The following DSCAM variants were observed in gnomAD, a reference collection of about 807,000 sequenced individuals.
DSCAM encodes the protein DS cell adhesion molecule, also known as cell adhesion molecule DSCAM.
In DSCAM, 47 loss-of-function variants were observed where a neutral mutation model predicts 217.7. The observed-to-expected ratio is 0.22, with a 90% CI of 0.17 to 0.28. The LOEUF (loss-of-function observed/expected upper bound fraction) is 0.28. Among genes scored for constraint, DSCAM ranks in the 10% least tolerant of loss-of-function variants. The pLI is 1.00. For missense variants in DSCAM, 2,080 were observed against 2,618.3 expected (o/e 0.79, Z 4.49); for synonymous variants, 1,056 against 1,015.3 (o/e 1.04, Z -0.76).
rs576075512 is a variant in DSCAM at position 40,131,815 on chromosome 21, G to A, written c.3562+2039C>T. Among the ~76,000 whole-genome samples the A allele has an allele frequency of 1.7e-3, 264 of 152,260 alleles. 1 individual carries two copies. The highest frequency in any genetic ancestry group is 6.1e-3 in the African/African-American group (255 of 41,534). On this transcript the variant is annotated intron_variant, in intron 19 of 32. Transcript: ENST00000400454. ...CTGGGGTACCCAAGGCAGGGTTTTC[G>A]ATAGTCAATCCCAGCTCCATACACT...
At chr21:40,387,176 A>AGG (rs546027179) in intron 3 of DSCAM, among the ~76,000 whole-genome samples, 16 of 152,246 alleles carry the variant, frequency 1.1e-4, no homozygotes, top group African/African-American at 3.4e-4. Context: ...ATAAAGGAAG[A>AGG]GGGGGGGTGA....
At chr21:40,421,341 T>C (rs1385688062) in intron 3 of DSCAM, among the ~76,000 whole-genome samples, 1 of 152,184 alleles carries the variant, frequency 6.6e-6, no homozygotes, top group African/African-American at 2.4e-5. Context: ...TGTCCTGTCT[T>C]GTCAAAGGGA....
chr21:40,329,034 A>G lies in DSCAM; in HGVS notation c.1783+9067T>C, dbSNP rs546842120. Among the ~76,000 whole-genome samples, 115 of 152,352 alleles carry G rather than the reference A, an allele frequency of 7.5e-4. 1 individual carries two copies. Among genetic ancestry groups the G allele is most frequent in the African/African-American group, 2.4e-3 (101 of 41,586 alleles). Reference sequence around the variant, plus strand: ...AAAACAAGCATCGGTGAACATGTGGAGAAAAGAGAAGCTTTGTACTGTATT... The same window carrying G: ...AAAACAAGCATCGGTGAACATGTGGGGAAAAGAGAAGCTTTGTACTGTATT... On this transcript the variant is annotated intron_variant, in intron 8 of 32. Coordinates refer to ENST00000400454, the MANE Select transcript of DSCAM (RefSeq NM_001389.5).
intron 1 of DSCAM, among the ~76,000 whole-genome samples, chr21:40,815,257 G>C (rs552978631): frequency 1.3e-5 from 2 of 151,962 alleles, no homozygotes; most frequent in East Asian, 3.9e-4. Flanking sequence ...AAATAGGAAG[G>C]GACAGACTGC....
intron 3 of DSCAM, among the ~76,000 whole-genome samples, chr21:40,637,472 T>A (rs1278392108): frequency 5.8e-5 from 3 of 51,402 alleles, no homozygotes; most frequent in Admixed American, 4.4e-4. Context: ...TATATATAAA[T>A]ATATATAAAT....
intron 20 of DSCAM, among the ~76,000 whole-genome samples, chr21:40,123,149 G>T (rs2090053359): frequency 6.6e-6 from 1 of 152,148 alleles, no homozygotes; most frequent in African/African-American, 2.4e-5. Flanking sequence ...TGGGAGGGAG[G>T]ATAGGGAATT....
chr21:40,351,813 T>A (rs976765918), intron 5 of DSCAM, among the ~76,000 whole-genome samples: 2 of 152,082 alleles, frequency 1.3e-5, no homozygotes, highest in African/African-American at 4.8e-5. Context: ...AGCAGTAACA[T>A]ACTCTGAGTT....
At chr21:40,829,109 A>C (rs1217416409) in intron 1 of DSCAM, among the ~76,000 whole-genome samples, 5 of 152,184 alleles carry the variant, frequency 3.3e-5, no homozygotes, top group Admixed American at 3.3e-4. Flanking sequence ...AACCACCCCT[A>C]TAACTGAATC....
chr21:40,035,369 T>C lies in DSCAM; in HGVS notation c.5686+7002A>G, dbSNP rs1250666602. ...AAAAAGGCAGGGGTTGCAATCCTAG[T>C]CTCAGATAAAACAGACTTCAAACCA... On this transcript the variant is annotated intron_variant, in intron 32 of 32. Coordinates refer to ENST00000400454, the MANE Select transcript of DSCAM (RefSeq NM_001389.5). Among the ~76,000 whole-genome samples, 99 of 103,638 alleles carry C rather than the reference T, an allele frequency of 9.6e-4. 1 individual carries two copies. Among genetic ancestry groups the C allele is most frequent in the Non-Finnish European group, 1.6e-3 (82 of 52,304 alleles). The allele number at this position is 103,638 out of a possible 152,430, so 68.0% of individuals were successfully genotyped here. A position where few individuals can be genotyped will look rare whatever the true frequency, so the allele number is the denominator to read the frequency against.
At chr21:40,422,674 T>C (rs1405194973) in intron 3 of DSCAM, among the ~76,000 whole-genome samples, 1 of 152,178 alleles carries the variant, frequency 6.6e-6, no homozygotes, top group Non-Finnish European at 1.5e-5. Context: ...ACATGTAAAG[T>C]CTATTTTTTA....
chr21:40,728,195 C>T (rs1179520537), intron 1 of DSCAM, among the ~76,000 whole-genome samples: 2 of 152,192 alleles, frequency 1.3e-5, no homozygotes, highest in Non-Finnish European at 2.9e-5. Flanking sequence ...CTGTCTGCCT[C>T]TAAACCTATC....
intron 3 of DSCAM, among the ~76,000 whole-genome samples, chr21:40,461,725 A>G (rs777586075): frequency 6.6e-6 from 1 of 152,220 alleles, no homozygotes; most frequent in Non-Finnish European, 1.5e-5. Flanking sequence ...GGTCCAAGGT[A>G]ATCATGAGTT....
intron 27 of DSCAM, among the ~76,000 whole-genome samples, chr21:40,067,934 C>T (rs1205259126): frequency 6.6e-6 from 1 of 151,938 alleles, no homozygotes; most frequent in African/African-American, 2.4e-5. Flanking sequence ...TCTTCTTGCC[C>T]AAACACAGCT....
chr21:40,252,744 C>CT (rs1401913622), intron 11 of DSCAM, among the ~76,000 whole-genome samples: 1 of 152,090 alleles, frequency 6.6e-6, no homozygotes, highest in East Asian at 1.9e-4. Flanking sequence ...CATCCTTAAA[C>CT]TTTTTTCAAG....
intron 3 of DSCAM, among the ~76,000 whole-genome samples, chr21:40,376,670 G>GATATCA (rs2074965589): frequency 5.4e-5 from 6 of 111,420 alleles, no homozygotes; most frequent in African/African-American, 2.5e-4. Context: ...ATCTTATATA[G>GATATCA]ATATCTATAT....
intron 6 of DSCAM, among the ~76,000 whole-genome samples, chr21:40,340,396 GTTTC>G (rs2074478669): frequency 6.6e-6 from 1 of 152,090 alleles, no homozygotes; most frequent in Non-Finnish European, 1.5e-5. Flanking sequence ...ACAAATGCAT[GTTTC>G]TTTTATATAT....
At chr21:40,312,459 T>C (rs1030279011) in intron 8 of DSCAM, 100 bp from the exon 9 acceptor site, 3 of 1,335,938 alleles carry the variant, frequency 2.2e-6, no homozygotes, top group South Asian at 1.5e-5. Flanking sequence ...CAGACGATCA[T>C]AGATACAGCA....
intron 3 of DSCAM, among the ~76,000 whole-genome samples, chr21:40,659,540 C>A (rs2090115971): frequency 6.6e-6 from 1 of 152,038 alleles, no homozygotes; most frequent in South Asian, 2.1e-4. Context: ...AGTTATCTGT[C>A]CATCTATGTA....
chr21:40,178,914 C>G lies in DSCAM; in HGVS notation c.2947+13G>C, dbSNP rs201298838. ...GGCTCCTCTGGAGCAAGGTTCCGCC[C>G]GGTCCCACGTACCTGCCTCGTCCGC... On this transcript the variant is annotated intron_variant, in intron 15 of 32. Transcript: ENST00000400454. 102 of 1,612,642 alleles carry G rather than the reference C, an allele frequency of 6.3e-5. No homozygotes were observed. The East Asian group carries it at 2.1e-3, about 33-fold the overall frequency.
Sources: allele counts gnomAD v4.1 joint callset (sites outside exome capture counted in the v4.1 genomes callset), GRCh38; gene constraint gnomAD v4.1.1; transcripts MANE v1.5; gene names NCBI Gene and HGNC (gene_info 2026-07-23, HGNC 2026-07-21).